Variants in ABCB1 observed in about 807,000 individuals in gnomAD.
ABCB1 encodes the protein ATP binding cassette subfamily B member 1, also known as ATP-dependent translocase ABCB1.
ABCB1 carries 69 observed loss-of-function variants against 142.0 expected under a neutral mutation model. That is an observed-to-expected ratio of 0.49 (90% CI 0.40 to 0.59). The LOEUF is 0.59. Among genes scored for constraint, ABCB1 ranks in the 20% least tolerant of loss-of-function variants. The pLI, the probability that ABCB1 is intolerant of heterozygous loss-of-function variation, is 0.00. For synonymous variants in ABCB1, 532 were observed against 539.2 expected (o/e 0.99, Z 0.18); for missense variants, 1,326 against 1,554.7 (o/e 0.85, Z 2.47).
chr7:87,515,991 A>G (rs1353300508), intron 24 of ABCB1, among the ~76,000 whole-genome samples: 1 of 152,236 alleles, frequency 6.6e-6, no homozygotes, highest in Non-Finnish European at 1.5e-5. Flanking sequence ...TACAGCTACA[A>G]TAACTCAAAT....
At chr7:87,598,226 T>A (rs1819290287) in intron 2 of ABCB1, among the ~76,000 whole-genome samples, 1 of 152,234 alleles carries the variant, frequency 6.6e-6, no homozygotes, top group African/African-American at 2.4e-5. Flanking sequence ...CTTTTTATTT[T>A]CATTTTTTAC....
Position 87,703,885 on chromosome 7 carries a change from C to CTTTTTTTTTTTTTTTTTTTTTTTTTTT in ABCB1, c.-331+9249_-331+9275dup. On this transcript the variant is annotated intron_variant, in intron 1 of 28. Transcript: ENST00000265724. Reference sequence around the variant, plus strand: ...CTTAGGTGAGCTTTATCAGTTTTTTCTTTTTTTTTTTTTTTTTTTTTTTTT... The same window carrying CTTTTTTTTTTTTTTTTTTTTTTTTTTT: ...CTTAGGTGAGCTTTATCAGTTTTTTCTTTTTTTTTTTTTTTTTTTTTTTTTTTTTTTTTTTTTTTTTTTTTTTTTTTT... 8.6e-4 allele frequency among the ~76,000 whole-genome samples: 52 copies of CTTTTTTTTTTTTTTTTTTTTTTTTTTT among 60,294 alleles called. 2 individuals are homozygous for CTTTTTTTTTTTTTTTTTTTTTTTTTTT. Among genetic ancestry groups the CTTTTTTTTTTTTTTTTTTTTTTTTTTT allele is most frequent in the Admixed American group, 1.5e-3 (6 of 4,132 alleles). 39.6% of individuals were successfully genotyped at this position (60,294 alleles called of 152,430 possible).
chr7:87,584,545 A>AGAGAGAGAGG (rs1053240876), intron 4 of ABCB1, among the ~76,000 whole-genome samples: 9 of 152,142 alleles, frequency 5.9e-5, no homozygotes, highest in Non-Finnish European at 1.3e-4. Flanking sequence ...CGAGAAAGAG[A>AGAGAGAGAGG]GAGAGAGAGG....
At chr7:87,654,636 T>C (rs1017235288) in intron 1 of ABCB1, among the ~76,000 whole-genome samples, 1 of 151,980 alleles carries the variant, frequency 6.6e-6, no homozygotes, top group African/African-American at 2.4e-5. Flanking sequence ...GAAGAAAACA[T>C]AGGGAAAAGG....
chr7:87,519,765 AG>A (rs1815411277), intron 22 of ABCB1, among the ~76,000 whole-genome samples: 1 of 152,198 alleles, frequency 6.6e-6, no homozygotes, highest in African/African-American at 2.4e-5. Context: ...AATAAGTAAA[AG>A]TTATCTCCCT....
In ABCB1 at chr7:87,566,215, A is replaced by G. The variant is rs1455450939; in HGVS notation, c.557T>C (p.Ile186Thr). 1 of 1,614,018 alleles carries G rather than the reference A, an allele frequency of 6.2e-7. No homozygotes were observed. The highest frequency in any genetic ancestry group is 1.7e-5 in the Admixed American group (1 of 60,010). ...TDDVSKINEG[I>T]GDKIGMFFQS... Reference sequence around the variant, plus strand: ...AAAGAACATTCCAATTTTGTCACCAATTCCTTCATTAATCTTGGAGACATC... The same window carrying G: ...AAAGAACATTCCAATTTTGTCACCAGTTCCTTCATTAATCTTGGAGACATC... The change falls in exon 7 of 28, where the codon ATT becomes ACT. Residue 186 changes from isoleucine to threonine, a missense_variant. Transcript: ENST00000622132.
At chr7:87,511,978 C>A (rs1422469590) in intron 25 of ABCB1, among the ~76,000 whole-genome samples, 1 of 151,840 alleles carries the variant, frequency 6.6e-6, no homozygotes, top group Non-Finnish European at 1.5e-5. Context: ...CAAGAGCCCT[C>A]AATTACATGT....
chr7:87,549,787 T>C (rs1280152927), intron 13 of ABCB1, 64 bp downstream of exon 13: 1 of 1,553,976 alleles, frequency 6.4e-7, no homozygotes, highest in Non-Finnish European at 8.9e-7. Flanking sequence ...CCTAACTTCC[T>C]GCATAGTAGG....
chr7:87,573,236 G>A lies in ABCB1; in HGVS notation c.287-3013C>T, dbSNP rs150461823. On this transcript the variant is annotated intron_variant, in intron 4 of 27. Coordinates refer to ENST00000622132, the MANE Select transcript of ABCB1 (RefSeq NM_001348946.2). Reference sequence around the variant, plus strand: ...TAATAAAACCATCATCCTTTATGCAGTGGACTGTCATTGAAGGTTATCACC... The same window carrying A: ...TAATAAAACCATCATCCTTTATGCAATGGACTGTCATTGAAGGTTATCACC... 2.7e-3 allele frequency among the ~76,000 whole-genome samples: 410 copies of A among 152,288 alleles called. 1 individual carries two copies. The highest frequency in any genetic ancestry group is 9.3e-3 in the African/African-American group (385 of 41,544).
chr7:87,585,592 A>T lies in ABCB1; in HGVS notation c.206T>A (p.Met69Lys). ...IIHGAGLPLM[M>K]LVFGEMTDIF... Reference sequence around the variant, plus strand: ...ATCTGTCATTTCTCCAAACACCAGCATCATGAGAGGAAGTCCAGCCCCATG... The same window carrying T: ...ATCTGTCATTTCTCCAAACACCAGCTTCATGAGAGGAAGTCCAGCCCCATG... The change falls in exon 4 of 28, where the codon ATG becomes AAG. Residue 69 changes from methionine (M) to lysine (K), a missense_variant. Met to Lys is a moderately conservative substitution (Grantham distance 95). Transcript: ENST00000622132. 1 of 1,614,070 alleles carries T rather than the reference A, an allele frequency of 6.2e-7. No individual in the cohort carries two copies. Among genetic ancestry groups the T allele is most frequent in the Non-Finnish European group, 8.5e-7 (1 of 1,179,920 alleles).
intron 26 of ABCB1, among the ~76,000 whole-genome samples, chr7:87,506,931 C>T (rs1355786473): frequency 6.6e-6 from 1 of 152,160 alleles, no homozygotes; most frequent in Non-Finnish European, 1.5e-5. Context: ...ACTGGCTCTA[C>T]CCCAGAGCTG....
intron 7 of ABCB1, 97 bp from the exon 8 acceptor site, chr7:87,561,484 T>G: frequency 7.9e-7 from 1 of 1,263,414 alleles, no homozygotes; most frequent in East Asian, 2.6e-5. Context: ...GCTTATACAT[T>G]AATGCATGTG....
At chr7:87,702,142 C>CAAAA (rs146127516) in intron 1 of ABCB1, among the ~76,000 whole-genome samples, 742 of 16,756 alleles carry the variant, frequency 0.044, 204 homozygotes, top group East Asian at 0.058. Context: ...GACTCTGTCT[C>CAAAA]AAAAAAAAAA....
chr7:87,553,951 A>C lies in ABCB1; in HGVS notation c.828-19T>G, dbSNP rs925249454. The C allele has an allele frequency of 1.9e-6, 3 of 1,591,910 alleles. No homozygotes were observed. The highest frequency in any genetic ancestry group is 2.6e-6 in the Non-Finnish European group (3 of 1,160,036). ...GTTGTACCTGAGAAAAAGAACAAAAATGATCACATATACATTTTATGAAAA... is the reference window on the plus strand; with the variant it reads ...GTTGTACCTGAGAAAAAGAACAAAACTGATCACATATACATTTTATGAAAA... On this transcript the variant is annotated intron_variant, in intron 8 of 27. Coordinates refer to ENST00000622132, the MANE Select transcript of ABCB1 (RefSeq NM_001348946.2).
At chr7:87,517,200 T>C (rs1815291516) in intron 23 of ABCB1, among the ~76,000 whole-genome samples, 1 of 152,190 alleles carries the variant, frequency 6.6e-6, no homozygotes, top group African/African-American at 2.4e-5. Flanking sequence ...TGTATCCTCA[T>C]CTTCTTGCAC....
intron 20 of ABCB1, 22 bp downstream of exon 20, chr7:87,536,436 C>T (rs1324331892): frequency 1.2e-6 from 2 of 1,613,122 alleles, no homozygotes; most frequent in East Asian, 2.2e-5. Flanking sequence ...AAGACAAACA[C>T]CAGTAGAAAG....
At chr7:87,509,639 G>A (rs1172362263) in intron 25 of ABCB1, among the ~76,000 whole-genome samples, 158 bp from the exon 26 acceptor site, 1 of 152,150 alleles carries the variant, frequency 6.6e-6, no homozygotes, top group Non-Finnish European at 1.5e-5. Flanking sequence ...AACCCAACAA[G>A]GTCATAATTG....
chr7:87,503,601 G>A lies in ABCB1; in HGVS notation c.*642C>T, dbSNP rs200404464. The A allele has an allele frequency of 1.9e-5, 3 of 154,240 alleles. No homozygotes were observed. The highest frequency in any genetic ancestry group is 4.3e-5 in the Non-Finnish European group (3 of 69,406). The allele number at this position is 154,240 out of a possible 1,614,324, so 9.6% of individuals were successfully genotyped here. A position where few individuals can be genotyped will look rare whatever the true frequency, so the allele number is the denominator to read the frequency against. On this transcript the variant is annotated 3_prime_UTR_variant, in exon 28 of 28. Coordinates refer to ENST00000622132, the MANE Select transcript of ABCB1 (RefSeq NM_001348946.2). Reference sequence around the variant, plus strand: ...ACCCCACCTCCTAAAATCTTATATCGATCTGTGTTTTGGGTTTGAGAGCCA... The same window carrying A: ...ACCCCACCTCCTAAAATCTTATATCAATCTGTGTTTTGGGTTTGAGAGCCA...
intron 4 of ABCB1, among the ~76,000 whole-genome samples, chr7:87,579,834 G>A (rs1202175): frequency 0.7 from 106,496 of 151,964 alleles, 37,731 homozygotes; most frequent in East Asian, 0.98. Context: ...TTTATTTGAG[G>A]TTACCATCAG....
Sources: gnomAD v4.1 joint callset for allele counts (sites outside exome capture counted in the v4.1 genomes callset) on GRCh38, gnomAD v4.1.1 for gene constraint, MANE v1.5 for transcripts, NCBI Gene and HGNC (gene_info 2026-07-23, HGNC 2026-07-21) for gene names.